The following SYNPR variants were observed in gnomAD, a reference collection of about 807,000 sequenced individuals.
SYNPR encodes synaptoporin.
Under a neutral mutation model 32.9 loss-of-function variants are expected in SYNPR, and 23 were observed. The observed-to-expected ratio is 0.70, with a 90% CI of 0.50 to 0.99. The LOEUF (loss-of-function observed/expected upper bound fraction) is 0.99. Among genes scored for constraint, SYNPR ranks in the 50% least tolerant of loss-of-function variants. SYNPR has a pLI of 0.00. For synonymous variants in SYNPR, 146 were observed against 135.9 expected (o/e 1.07, Z -0.52); for missense variants, 318 against 349.3 (o/e 0.91, Z 0.71).
At chr3:63,355,852 A>G (rs2087570077) in intron 2 of SYNPR, among the ~76,000 whole-genome samples, 1 of 152,046 alleles carries the variant, frequency 6.6e-6, no homozygotes, top group Non-Finnish European at 1.5e-5. Flanking sequence ...TCAGTTCCTC[A>G]TTGCACACGT....
chr3:63,380,252 G>C (rs549070677), intron 2 of SYNPR, among the ~76,000 whole-genome samples: 10 of 152,148 alleles, frequency 6.6e-5, no homozygotes, highest in African/African-American at 2.4e-4. Flanking sequence ...AGATCCCTGA[G>C]GAATCACCAC....
chr3:63,281,205 A>G (rs1256983311), intron 2 of SYNPR, among the ~76,000 whole-genome samples: 2 of 152,186 alleles, frequency 1.3e-5, no homozygotes, highest in Non-Finnish European at 2.9e-5. Flanking sequence ...GGTTCCTTTC[A>G]TAGCGCTTGG....
chr3:63,468,580 C>T (rs969457727), intron 2 of SYNPR, among the ~76,000 whole-genome samples: 3 of 152,132 alleles, frequency 2.0e-5, no homozygotes, highest in Admixed American at 2.0e-4. Flanking sequence ...CCGAGGCAGG[C>T]GTTTGAGATC....
intron 2 of SYNPR, among the ~76,000 whole-genome samples, chr3:63,298,851 G>C (rs562011787): frequency 6.6e-6 from 1 of 152,108 alleles, no homozygotes; most frequent in African/African-American, 2.4e-5. Flanking sequence ...CTCTGGGACC[G>C]GTGTAGAACA....
intron 2 of SYNPR, among the ~76,000 whole-genome samples, chr3:63,417,679 C>G (rs576473161): frequency 5.6e-4 from 85 of 152,362 alleles, no homozygotes; most frequent in African/African-American, 2.0e-3. Context: ...CAATTCTTGA[C>G]TTCTGTGCAC....
intron 4 of SYNPR, among the ~76,000 whole-genome samples, chr3:63,597,284 G>A (rs1448307150): frequency 4.6e-5 from 7 of 151,972 alleles, no homozygotes; most frequent in Non-Finnish European, 1.0e-4. Context: ...TAAGACCCTG[G>A]ACCACTATTG....
At chr3:63,324,317 A>C (rs536648981) in intron 2 of SYNPR, among the ~76,000 whole-genome samples, 1 of 152,020 alleles carries the variant, frequency 6.6e-6, no homozygotes, top group African/African-American at 2.4e-5. Flanking sequence ...ACTCTTAACC[A>C]TTACAATGTA....
At chr3:63,401,604 G>A (rs1183675891) in intron 2 of SYNPR, among the ~76,000 whole-genome samples, 1 of 152,088 alleles carries the variant, frequency 6.6e-6, no homozygotes, top group East Asian at 1.9e-4. Context: ...GGCATTAGCT[G>A]AACTTTTTAG....
intron 2 of SYNPR, among the ~76,000 whole-genome samples, chr3:63,467,015 T>G (rs1700695697): frequency 6.6e-6 from 1 of 152,106 alleles, no homozygotes; most frequent in South Asian, 2.1e-4. Flanking sequence ...TATTCATTTG[T>G]TTATTTTTGT....
At chr3:63,347,964 C>T (rs1030722460) in intron 2 of SYNPR, among the ~76,000 whole-genome samples, 2 of 151,372 alleles carry the variant, frequency 1.3e-5, no homozygotes, top group African/African-American at 4.9e-5. Context: ...TTGCTGGACA[C>T]TTAAGTTGAA....
chr3:63,539,854 G>A (rs539941647), intron 3 of SYNPR, among the ~76,000 whole-genome samples: 24 of 152,184 alleles, frequency 1.6e-4, no homozygotes, highest in African/African-American at 3.9e-4. Context: ...AAGAATCCCC[G>A]GACAGAGGGC....
intron 3 of SYNPR, among the ~76,000 whole-genome samples, chr3:63,495,620 G>A (rs549301739): frequency 5.9e-5 from 9 of 152,160 alleles, no homozygotes; most frequent in South Asian, 2.1e-4. Flanking sequence ...TTCTTCCACC[G>A]TCTTGCATTC....
At chr3:63,611,792 C>G (rs56175509) in intron 5 of SYNPR, among the ~76,000 whole-genome samples, 6,610 of 152,182 alleles carry the variant, frequency 0.043, 335 homozygotes, top group African/African-American at 0.12. Flanking sequence ...TCACTCAGGT[C>G]CAGTTGCAAA....
chr3:63,535,800 A>T (rs1246940081), intron 3 of SYNPR, among the ~76,000 whole-genome samples: 1 of 152,092 alleles, frequency 6.6e-6, no homozygotes, highest in African/African-American at 2.4e-5. Flanking sequence ...AATGGAACAT[A>T]GACCATGTAA....
chr3:63,420,429 G>T (rs1323508588), intron 2 of SYNPR, among the ~76,000 whole-genome samples: 2 of 152,148 alleles, frequency 1.3e-5, no homozygotes, highest in African/African-American at 4.8e-5. Context: ...TATGGAAATT[G>T]CTGTATCTGA....
chr3:63,225,981 A>T (rs950255221), upstream of SYNPR, among the ~76,000 whole-genome samples: 1 of 152,184 alleles, frequency 6.6e-6, no homozygotes, highest in Non-Finnish European at 1.5e-5. Flanking sequence ...AGTAAAAAGT[A>T]GGCAAAATAA....
intron 2 of SYNPR, among the ~76,000 whole-genome samples, chr3:63,252,856 C>T (rs1448706139): frequency 6.6e-6 from 1 of 151,962 alleles, no homozygotes; most frequent in African/African-American, 2.4e-5. Flanking sequence ...GCCTGGCCAA[C>T]ATGGTGAAAC....
intron 1 of SYNPR, among the ~76,000 whole-genome samples, chr3:63,241,607 TA>T (rs1180355618): frequency 1.3e-5 from 2 of 152,076 alleles, no homozygotes; most frequent in Non-Finnish European, 2.9e-5. Context: ...CTTCCTTTCC[TA>T]TATCTTGATA....
At chr3:63,207,240 G>A in the SYNPR span, among the ~76,000 whole-genome samples, 1 of 152,202 alleles carries the variant, frequency 6.6e-6, no homozygotes, top group Admixed American at 6.5e-5. Flanking sequence ...ATTCAGTGAC[G>A]TGTGCTGGGA....
Sources: gnomAD v4.1 joint callset for allele counts (sites outside exome capture counted in the v4.1 genomes callset) on GRCh38, gnomAD v4.1.1 for gene constraint, MANE v1.5 for transcripts, NCBI Gene and HGNC (gene_info 2026-07-23, HGNC 2026-07-21) for gene names.